The following PSIP1 variants were observed in gnomAD, a reference collection of about 807,000 sequenced individuals.
PSIP1 encodes the protein PC4 and SRSF1 interacting protein 1.
PSIP1 carries 19 observed loss-of-function variants against 74.7 expected under a neutral mutation model. The observed-to-expected ratio is 0.25, with a 90% CI of 0.18 to 0.37. The LOEUF (loss-of-function observed/expected upper bound fraction) is 0.37, where lower values mean the gene tolerates loss of function less well. PSIP1 is among the 10% of genes least tolerant of loss of function. The probability of loss-of-function intolerance (pLI) is 1.00; values close to 1 mark genes in which losing one functional copy is unlikely to be tolerated. For synonymous variants in PSIP1, 222 were observed against 195.3 expected (o/e 1.14, Z -1.14); for missense variants, 601 against 614.3 (o/e 0.98, Z 0.23).
At chr9:15,483,016 C>T (rs893238343) in intron 6 of PSIP1, among the ~76,000 whole-genome samples, 1 of 152,120 alleles carries the variant, frequency 6.6e-6, no homozygotes, top group African/African-American at 2.4e-5. Context: ...CTTAGATTTT[C>T]TCTTGACAGT....
chr9:15,472,085 T>C, intron 10 of PSIP1: 1 of 981,764 alleles, frequency 1.0e-6, no homozygotes, highest in African/African-American at 1.7e-5. Context: ...GTCCTGTCTC[T>C]ATAAGTATCA....
rs199748527 is a variant in PSIP1, at chr9:15,469,944, T to G, written c.1027A>C (p.Lys343Gln). 2.5e-5 allele frequency: 40 copies of G among 1,607,324 alleles called. No homozygotes were observed. The highest frequency in any genetic ancestry group is 1.6e-4 in the Middle Eastern group (1 of 6,070). ...KKPEVKKVEK[K>Q]RETSMDSRLQ... ...AGAAAGTGAAATAACTAACCTCGCT[T>G]CTTCTCCACTTTCTTAACTTCTGGC... Residue 343 changes from lysine (K) to glutamine (Q), a missense_variant, in exon 11 of 16, where the codon AAG becomes CAG. By Grantham distance (53) the Lys-to-Gln change is moderately conservative. Around this residue, in one of 2 missense-constraint regions of PSIP1, gnomAD observed 538 missense variants for 507.6 expected, o/e 1.06. Coordinates refer to ENST00000380733, the MANE Select transcript of PSIP1 (RefSeq NM_033222.5).
intron 8 of PSIP1, among the ~76,000 whole-genome samples, chr9:15,475,078 C>T (rs2036016728): frequency 6.6e-6 from 1 of 152,130 alleles, no homozygotes; most frequent in African/African-American, 2.4e-5. Context: ...AATTCCAAAT[C>T]CATTAACCTC....
chr9:15,506,775 C>G (rs1356238322), intron 2 of PSIP1, 138 bp from the exon 3 acceptor site: 8 of 603,264 alleles, frequency 1.3e-5, no homozygotes, highest in African/African-American at 1.9e-5. Flanking sequence ...TCTCCTATCC[C>G]CAAATCTGAA....
chr9:15,480,941 A>AAC (rs1161919895), intron 6 of PSIP1, among the ~76,000 whole-genome samples: 1 of 152,052 alleles, frequency 6.6e-6, no homozygotes, highest in African/African-American at 2.4e-5. Context: ...CAAAACAAAA[A>AAC]ACCTTTATAT....
At chr9:15,485,886 A>G (rs1053419196) in intron 6 of PSIP1, 120 bp downstream of exon 6, 41 of 862,162 alleles carry the variant, frequency 4.8e-5, no homozygotes, top group Non-Finnish European at 6.7e-5. Flanking sequence ...AACCCATAAA[A>G]AATTAAAGGG....
chr9:15,480,088 C>A (rs866747185), intron 6 of PSIP1, among the ~76,000 whole-genome samples: 1 of 152,078 alleles, frequency 6.6e-6, no homozygotes, highest in Non-Finnish European at 1.5e-5. Context: ...TCTTATTTCC[C>A]GTAAGAAAGG....
intron 15 of PSIP1, 36 bp from the exon 16 acceptor site, chr9:15,465,616 G>A: frequency 6.7e-7 from 1 of 1,488,856 alleles, no homozygotes; most frequent in Non-Finnish European, 9.2e-7. Flanking sequence ...CTGGAATTAG[G>A]ATTTTCTCCT....
intron 4 of PSIP1, among the ~76,000 whole-genome samples, chr9:15,488,636 C>T (rs907752386): frequency 1.3e-5 from 2 of 152,124 alleles, no homozygotes; most frequent in African/African-American, 4.8e-5. Flanking sequence ...CCTATAATCC[C>T]AGCACTTTGG....
chr9:15,479,443 A>T, intron 7 of PSIP1, 148 bp downstream of exon 7: 2 of 542,936 alleles, frequency 3.7e-6, no homozygotes, highest in Non-Finnish European at 6.2e-6. Context: ...ACAGAGCACA[A>T]ATCATGTTTA....
intron 6 of PSIP1, 98 bp downstream of exon 6, chr9:15,485,908 A>G: frequency 9.2e-7 from 1 of 1,092,292 alleles, no homozygotes; most frequent in Non-Finnish European, 1.3e-6. Context: ...TTAGAATAAA[A>G]GCTGAAATTT....
intron 3 of PSIP1, among the ~76,000 whole-genome samples, chr9:15,504,736 C>CA (rs576748638): frequency 0.067 from 6,803 of 102,130 alleles, 237 homozygotes; most frequent in East Asian, 0.14. Flanking sequence ...GACTCGGTCT[C>CA]AAAAAAAAAA....
At chr9:15,483,091 T>C (rs1019804395) in intron 6 of PSIP1, among the ~76,000 whole-genome samples, 21 of 152,344 alleles carry the variant, frequency 1.4e-4, no homozygotes, top group African/African-American at 4.8e-4. Context: ...TTCAGGATTC[T>C]GGTTTCTGCA....
chr9:15,470,951 A>C (rs2035799902), intron 10 of PSIP1: 9 of 1,152,360 alleles, frequency 7.8e-6, no homozygotes, highest in Admixed American at 4.6e-5. Context: ...AAAAAAAAAA[A>C]AAAAAAACAG....
intron 10 of PSIP1, chr9:15,471,506 G>T: frequency 1.0e-6 from 1 of 975,904 alleles, no homozygotes; most frequent in Non-Finnish European, 1.2e-6. Context: ...TCACAATAAA[G>T]TCAAAAGCAA....
At chr9:15,470,950 A>C (rs1004973790) in intron 10 of PSIP1, 22 of 1,151,456 alleles carry the variant, frequency 1.9e-5, no homozygotes, top group Admixed American at 1.4e-4. Flanking sequence ...AAAAAAAAAA[A>C]AAAAAAAACA....
Position 15,465,159 on chromosome 9 carries a change from G to A in PSIP1, c.*361C>T, listed in dbSNP as rs1487819380. 2 of 239,840 alleles carry A rather than the reference G, an allele frequency of 8.3e-6. No homozygotes were observed. The highest frequency in any genetic ancestry group is 1.1e-4 in the Admixed American group (2 of 17,878). The allele number at this position is 239,840 out of a possible 1,614,324, so 14.9% of individuals were successfully genotyped here. On this transcript the variant is annotated 3_prime_UTR_variant, in exon 16 of 16. Transcript: ENST00000380733. ...ACTATGCACAAAACCCACAGTATTT[G>A]GGAAAAGAGGCAAGGTTTATACAAG...
chr9:15,502,062 T>C (rs1387583494), intron 3 of PSIP1, among the ~76,000 whole-genome samples: 3 of 151,992 alleles, frequency 2.0e-5, no homozygotes, highest in Non-Finnish European at 4.4e-5. Context: ...GCACTGCACA[T>C]GCAAGGGATC....
chr9:15,491,153 T>A (rs911427100), intron 3 of PSIP1, among the ~76,000 whole-genome samples: 2 of 152,236 alleles, frequency 1.3e-5, no homozygotes, highest in Non-Finnish European at 2.9e-5. Context: ...ACTGAACTCA[T>A]AGCCAACAGC....
Sources: allele counts gnomAD v4.1 joint callset (sites outside exome capture counted in the v4.1 genomes callset), GRCh38; gene constraint gnomAD v4.1.1; regional missense constraint gnomAD v4.1.1; transcripts MANE v1.5; gene names NCBI Gene and HGNC (gene_info 2026-07-23, HGNC 2026-07-21).